Variants in MEF2C observed in about 807,000 individuals in gnomAD.
The protein encoded by MEF2C is myocyte enhancer factor 2C, also known as myocyte-specific enhancer factor 2C.
In MEF2C, 6 loss-of-function variants were observed where a neutral mutation model predicts 50.5. That is an observed-to-expected ratio of 0.12 (90% CI 0.07 to 0.23). The LOEUF (loss-of-function observed/expected upper bound fraction) is 0.23. Ranked by LOEUF, MEF2C falls within the 10% of genes least tolerant of loss-of-function variation. The pLI, the probability that MEF2C is intolerant of heterozygous loss-of-function variation, is 1.00. For synonymous variants in MEF2C, 183 were observed against 228.0 expected (o/e 0.80, Z 1.78); for missense variants, 276 against 605.0 (o/e 0.46, Z 5.70).
chr5:88,770,015 T>G, intron 3 of MEF2C: 1 of 985,260 alleles, frequency 1.0e-6, no homozygotes, highest in Non-Finnish European at 1.2e-6. Flanking sequence ...AGTTGTAGGT[T>G]GTTTTGAAGA....
At chr5:88,804,854 G>T (rs983617208) in intron 2 of MEF2C, 53 bp from the exon 3 acceptor site, 54 of 1,457,950 alleles carry the variant, frequency 3.7e-5, no homozygotes, top group Non-Finnish European at 4.3e-5. Context: ...TGCATGTGTG[G>T]TTTTTTTCTT....
intron 6 of MEF2C, chr5:88,738,661 T>C: frequency 1.0e-6 from 1 of 985,362 alleles, no homozygotes; most frequent in Non-Finnish European, 1.2e-6. Context: ...ATGTCGAGTC[T>C]CATTTGCAAA....
At chr5:88,733,074 G>A in intron 6 of MEF2C, 2 of 985,144 alleles carry the variant, frequency 2.0e-6, no homozygotes, top group African/African-American at 3.5e-5. Context: ...CCAATACAAG[G>A]CAGCGTAGGG....
Position 88,722,945 on chromosome 5 carries a change from C to T in MEF2C, c.1101-20G>A. On this transcript the variant is annotated intron_variant, in intron 10 of 10. Transcript: ENST00000504921. ...CAAGCTCTGTAGGAGGAAAGGAAAC[C>T]CAGTTACAGATGAAGGAGGCCTGGA... 2 of 1,557,108 alleles carry T rather than the reference C, an allele frequency of 1.3e-6. No individual in the cohort carries two copies. The highest frequency in any genetic ancestry group is 1.2e-5 in the South Asian group (1 of 84,014).
rs142041810 is a variant in MEF2C at position 88,795,676 on chromosome 5, T to C, written c.258+8922A>G. 6.5e-4 allele frequency among the ~76,000 whole-genome samples: 99 copies of C among 152,316 alleles called. 2 individuals carry two copies. In the East Asian group the frequency reaches 0.018, roughly 27 times the overall value. On this transcript the variant is annotated intron_variant, in intron 3 of 10. Coordinates refer to ENST00000504921, the MANE Select transcript of MEF2C (RefSeq NM_002397.5). Reference sequence around the variant, plus strand: ...GCCCTGGCCAGAACTTCCAATACTATGTTGAATAGGAGTGGTGAGAGAGGG... The same window carrying C: ...GCCCTGGCCAGAACTTCCAATACTACGTTGAATAGGAGTGGTGAGAGAGGG...
intron 1 of MEF2C, 173 bp from the exon 2 acceptor site, chr5:88,824,103 G>A: frequency 1.1e-6 from 1 of 870,012 alleles, no homozygotes; most frequent in Non-Finnish European, 1.4e-6. Flanking sequence ...AGCAGATCAA[G>A]TAGTTTTATT....
At chr5:88,746,646 C>T (rs1769816449) in intron 6 of MEF2C, 1 of 985,262 alleles carries the variant, frequency 1.0e-6, no homozygotes, top group Non-Finnish European at 1.2e-6. Context: ...AATGTAGCAA[C>T]ATTCTGGCTG....
intron 1 of MEF2C, among the ~76,000 whole-genome samples, chr5:88,875,100 C>G (rs1391037925): frequency 5.3e-5 from 8 of 151,926 alleles, no homozygotes; most frequent in Admixed American, 5.3e-4. Context: ...TGCTTCTTAA[C>G]AAAGTTTTAC....
chr5:88,726,772 G>A (rs1331868504), intron 10 of MEF2C, among the ~76,000 whole-genome samples: 2 of 152,080 alleles, frequency 1.3e-5, no homozygotes, highest in Non-Finnish European at 2.9e-5. Flanking sequence ...TCTATTAGAG[G>A]CAGCAGAGAA....
intron 3 of MEF2C, among the ~76,000 whole-genome samples, chr5:88,766,431 A>G (rs965777929): frequency 6.6e-6 from 1 of 152,182 alleles, no homozygotes; most frequent in African/African-American, 2.4e-5. Flanking sequence ...TCTTTCAAAA[A>G]TTATCTCGTT....
chr5:88,785,234 C>T (rs1164307225), intron 3 of MEF2C: 1 of 145,056 alleles, frequency 6.9e-6, no homozygotes, highest in Non-Finnish European at 1.5e-5. Context: ...ATTACTTAAG[C>T]AAAACAAAAT....
At chr5:88,808,589 T>C (rs936582965) in intron 2 of MEF2C, among the ~76,000 whole-genome samples, 22 of 152,300 alleles carry the variant, frequency 1.4e-4, no homozygotes, top group South Asian at 4.1e-4. Context: ...ACTGAAATGA[T>C]GACTGTATTA....
At position 88,728,579 on chromosome 5, in the gene MEF2C, G is replaced by A. The variant is rs1404943567; in HGVS notation, c.1014C>T (p.Thr338=). The change falls in exon 10 of 11, where the codon ACC becomes ACT. Residue 338 remains threonine (T), a synonymous_variant. Coordinates refer to ENST00000504921, the MANE Select transcript of MEF2C (RefSeq NM_002397.5). ...ADLSSLSGFN[T]ASALHLGSVT... ...CTGAACCAAGGTGAAGAGCGCTGGCGGTGTTAAACCCAGACAGAGATGACA... is the reference window on the plus strand; with the variant it reads ...CTGAACCAAGGTGAAGAGCGCTGGCAGTGTTAAACCCAGACAGAGATGACA... The A allele has an allele frequency of 1.0e-5, 16 of 1,532,094 alleles. No individual in the cohort carries two copies. The highest frequency in any genetic ancestry group is 1.1e-5 in the Non-Finnish European group (13 of 1,135,976). 94.9% of individuals were successfully genotyped at this position (1,532,094 alleles called of 1,614,324 possible).
intron 3 of MEF2C, chr5:88,775,791 C>T (rs1784478008): frequency 1.0e-6 from 1 of 982,260 alleles, no homozygotes; most frequent in South Asian, 4.7e-5. Flanking sequence ...GCTATAAAAG[C>T]TAGAGTGACA....
At chr5:88,775,929 C>G (rs1388666363) in intron 3 of MEF2C, 2 of 391,268 alleles carry the variant, frequency 5.1e-6, no homozygotes, top group African/African-American at 2.2e-5. Context: ...GAGATGGGAG[C>G]ATATTTATCT....
chr5:88,740,725 C>G, intron 6 of MEF2C: 1 of 983,606 alleles, frequency 1.0e-6, no homozygotes, highest in Non-Finnish European at 1.2e-6. Context: ...TACTGATTTA[C>G]TGAAGGGATA....
At chr5:88,809,724 T>C (rs565553895) in intron 2 of MEF2C, among the ~76,000 whole-genome samples, 1 of 152,256 alleles carries the variant, frequency 6.6e-6, no homozygotes, top group Admixed American at 6.5e-5. Flanking sequence ...TCAGTCAAGA[T>C]GAGTACGAAA....
chr5:88,898,620 AG>A (rs1192548140), intron 1 of MEF2C, among the ~76,000 whole-genome samples: 2 of 152,170 alleles, frequency 1.3e-5, no homozygotes, highest in Admixed American at 6.6e-5. Context: ...GCAGTCATAA[AG>A]GGCCTGCACA....
At chr5:88,838,057 T>C (rs1385693648) in intron 1 of MEF2C, among the ~76,000 whole-genome samples, 1 of 152,186 alleles carries the variant, frequency 6.6e-6, no homozygotes, top group Non-Finnish European at 1.5e-5. Flanking sequence ...TATATCAATA[T>C]ACCAATATTG....
Sources: gnomAD v4.1 joint callset for allele counts (sites outside exome capture counted in the v4.1 genomes callset) on GRCh38, gnomAD v4.1.1 for gene constraint, MANE v1.5 for transcripts, NCBI Gene and HGNC (gene_info 2026-07-23, HGNC 2026-07-21) for gene names.